Variants in CSK observed in about 807,000 individuals in gnomAD.
The protein encoded by CSK is tyrosine-protein kinase CSK.
In CSK, 7 loss-of-function variants were observed where a neutral mutation model predicts 62.3. The ratio of observed to expected loss-of-function variants is 0.11; its 90% confidence interval spans 0.06 to 0.21. The LOEUF (loss-of-function observed/expected upper bound fraction) is 0.21. CSK is among the 10% of genes least tolerant of loss of function. The pLI is 1.00. For synonymous variants in CSK, 237 were observed against 246.0 expected (o/e 0.96, Z 0.34); for missense variants, 294 against 613.5 (o/e 0.48, Z 5.50).
intron 1 of CSK, among the ~76,000 whole-genome samples, chr15:74,792,452 G>A (rs2063637202): frequency 6.6e-6 from 1 of 152,168 alleles, no homozygotes; most frequent in African/African-American, 2.4e-5. Context: ...ACTTTCCCAA[G>A]GTCACACAGC....
Position 74,798,249 on chromosome 15 carries a change from T to A in CSK, c.-49T>A. On this transcript the variant is annotated 5_prime_UTR_variant, in exon 2 of 13. Coordinates refer to ENST00000220003, the MANE Select transcript of CSK (RefSeq NM_004383.3). This position sits in a 1 kb window ranked among gnomAD's most constrained non-coding sequence, Gnocchi z 6.6. ...TCCCCACAGCTCTAATGGTACCAAG[T>A]GACAGGTTGGCTTTACTGTGACTCG... is the stretch of plus-strand genomic sequence containing the variant. 6.5e-7 allele frequency: 1 copy of A among 1,537,684 alleles called. No individual in the cohort carries two copies. Among genetic ancestry groups the A allele is most frequent in the Non-Finnish European group, 8.8e-7 (1 of 1,142,618 alleles).
chr15:74,796,874 C>A (rs1410625565), intron 1 of CSK, among the ~76,000 whole-genome samples: 1 of 152,192 alleles, frequency 6.6e-6, no homozygotes, highest in African/African-American at 2.4e-5. Flanking sequence ...GAACTTTATT[C>A]AAATGGAATT....
At chr15:74,785,001 T>A (rs2063494443) in intron 1 of CSK, among the ~76,000 whole-genome samples, 1 of 152,204 alleles carries the variant, frequency 6.6e-6, no homozygotes, top group South Asian at 2.1e-4. Context: ...CCCAGGGAAG[T>A]GAATCTGAGC....
chr15:74,800,639 G>A (rs991094247), intron 6 of CSK, 42 bp from the exon 7 acceptor site: 2 of 1,536,496 alleles, frequency 1.3e-6, no homozygotes, highest in African/African-American at 2.7e-5. Flanking sequence ...TCCCAGCCAT[G>A]TCCCTAGTGG....
At chr15:74,788,553 C>G (rs1486614584) in intron 1 of CSK, 1 of 152,508 alleles carries the variant, frequency 6.6e-6, no homozygotes, top group Admixed American at 6.5e-5. Context: ...CATTCTGCAG[C>G]CCATCCTGCT....
intron 4 of CSK, 125 bp downstream of exon 4, chr15:74,799,063 A>AGGGTGC (rs1295925834): frequency 3.9e-6 from 4 of 1,035,308 alleles, no homozygotes; most frequent in Admixed American, 2.9e-5. Flanking sequence ...GAGGAGGTGC[A>AGGGTGC]GGGTGCGGGT....
At chr15:74,791,678 C>T (rs1042510778) in intron 1 of CSK, among the ~76,000 whole-genome samples, 2 of 152,214 alleles carry the variant, frequency 1.3e-5, no homozygotes, top group Admixed American at 1.3e-4. Context: ...CAATCTAGAA[C>T]ATTCTCCAGC....
At position 74,798,933 on chromosome 15, in the gene CSK, C is replaced by T. The variant is rs764983353; in HGVS notation, c.237C>T (p.Leu79=). ...TGAAGGCGGGTACCAAACTCAGCCT[C>T]ATGCCGTGAGTACCACGAGGAGGGG... ...EGVKAGTKLS[L]MPWFHGKITR... Residue 79 remains leucine (L), a synonymous_variant, in exon 4 of 13, where the codon CTC becomes CTT. Coordinates refer to ENST00000220003, the MANE Select transcript of CSK (RefSeq NM_004383.3). The surrounding 1 kb of genome is among the most constrained non-coding windows in gnomAD (Gnocchi z 6.6). 2.6e-6 allele frequency: 4 copies of T among 1,522,442 alleles called. No individual in the cohort carries two copies. Among genetic ancestry groups the T allele is most frequent in the South Asian group, 1.3e-5 (1 of 76,440 alleles). 94.3% of individuals were successfully genotyped at this position (1,522,442 alleles called of 1,614,324 possible). A position where few individuals can be genotyped will look rare whatever the true frequency, so the allele number is the denominator to read the frequency against.
intron 12 of CSK, 64 bp downstream of exon 12, chr15:74,802,147 G>C: frequency 6.6e-7 from 1 of 1,525,372 alleles, no homozygotes; most frequent in South Asian, 1.2e-5. Flanking sequence ...AGGGGCGTGA[G>C]CCTCCTTGGG....
At chr15:74,791,648 T>C (rs899303694) in intron 1 of CSK, among the ~76,000 whole-genome samples, 1 of 152,246 alleles carries the variant, frequency 6.6e-6, no homozygotes, top group African/African-American at 2.4e-5. Flanking sequence ...AATCTTGTCA[T>C]GTTTCTCTAG....
chr15:74,798,191 T>A lies in CSK; in HGVS notation c.-65-42T>A. ...GCCAGATCTCAGCAGTTGGGGGGCA[T>A]TTCTTCACACCCCTCCTCAGTCTTC... is the stretch of plus-strand genomic sequence containing the variant. On this transcript the variant is annotated intron_variant, in intron 1 of 12. Coordinates refer to ENST00000220003, the MANE Select transcript of CSK (RefSeq NM_004383.3). The surrounding 1 kb of genome is among the most constrained non-coding windows in gnomAD (Gnocchi z 6.6). 1 of 1,318,088 alleles carries A rather than the reference T, an allele frequency of 7.6e-7. No individual in the cohort carries two copies. Among genetic ancestry groups the A allele is most frequent in the South Asian group, 1.5e-5 (1 of 66,796 alleles). The allele number at this position is 1,318,088 out of a possible 1,614,324, so 81.6% of individuals were successfully genotyped here. A position where few individuals can be genotyped will look rare whatever the true frequency, so the allele number is the denominator to read the frequency against.
In CSK at chr15:74,786,002, C is replaced by CTT. The variant is rs536939856; in HGVS notation, c.-66+3293_-66+3294dup. On this transcript the variant is annotated intron_variant, in intron 1 of 12. Coordinates refer to ENST00000220003, the MANE Select transcript of CSK (RefSeq NM_004383.3). ...AGGCCTCTTCTCTCTCTCTCTCTCT[C>CTT]TTTTTTTTTTTTGTGTGTGTGTGTG... 9.5e-3 allele frequency among the ~76,000 whole-genome samples: 701 copies of CTT among 73,598 alleles called. 35 individuals carry two copies. The highest frequency in any genetic ancestry group is 0.021 in the African/African-American group (326 of 15,836). The allele number at this position is 73,598 out of a possible 152,430, so 48.3% of individuals were successfully genotyped here.
chr15:74,786,838 G>C (rs2063529369), intron 1 of CSK, among the ~76,000 whole-genome samples: 1 of 152,152 alleles, frequency 6.6e-6, no homozygotes, highest in Non-Finnish European at 1.5e-5. Context: ...TCCTCCCCCA[G>C]GTGGCCCATT....
At chr15:74,801,447 C>T in intron 9 of CSK, 75 bp from the exon 10 acceptor site, 1 of 1,465,226 alleles carries the variant, frequency 6.8e-7, no homozygotes. Context: ...CAACACCCAC[C>T]CGGCCCCAGC....
intron 1 of CSK, among the ~76,000 whole-genome samples, chr15:74,789,273 ACC>A (rs1289454871): frequency 1.3e-5 from 2 of 152,028 alleles, no homozygotes; most frequent in African/African-American, 4.8e-5. Flanking sequence ...TTCCTTCGTA[ACC>A]GCCCCGGGAG....
intron 1 of CSK, among the ~76,000 whole-genome samples, chr15:74,789,429 G>C (rs985492356): frequency 1.3e-5 from 2 of 152,216 alleles, no homozygotes; most frequent in Non-Finnish European, 2.9e-5. Flanking sequence ...CCTGATGTGT[G>C]GTGGGGAATG....
intron 1 of CSK, among the ~76,000 whole-genome samples, chr15:74,783,902 A>G (rs2063477006): frequency 2.0e-5 from 3 of 152,248 alleles, no homozygotes; most frequent in Admixed American, 6.5e-5. Flanking sequence ...ATGGGGTCAC[A>G]TGGGAACCGT....
chr15:74,784,952 G>A (rs35267825), intron 1 of CSK, among the ~76,000 whole-genome samples: 3,845 of 152,160 alleles, frequency 0.025, 76 homozygotes, highest in Non-Finnish European at 0.035. Context: ...GGCAGAAATT[G>A]TCCCAGACAC....
chr15:74,788,587 C>G (rs1031404493), intron 1 of CSK: 1 of 153,032 alleles, frequency 6.5e-6, no homozygotes, highest in Admixed American at 6.5e-5. Context: ...GGTAACACCC[C>G]CATCTCCCTT....
Sources: allele counts gnomAD v4.1 joint callset (sites outside exome capture counted in the v4.1 genomes callset), GRCh38; gene constraint gnomAD v4.1.1; non-coding constraint Gnocchi (gnomAD v3.1); transcripts MANE v1.5; gene names NCBI Gene and HGNC (gene_info 2026-07-23, HGNC 2026-07-21).